Variants in ZNF582 observed in about 807,000 individuals in gnomAD.
ZNF582 encodes zinc finger protein 582.
ZNF582 carries 14 observed loss-of-function variants against 12.3 expected under a neutral mutation model. The observed-to-expected ratio is 1.14, with a 90% CI of 0.75 to 1.78. ZNF582 has a LOEUF of 1.78. Ranked by LOEUF, ZNF582 falls within the 40% of genes most tolerant of loss-of-function variation. The probability of loss-of-function intolerance (pLI) is 0.00; values close to 1 mark genes in which losing one functional copy is unlikely to be tolerated. For missense variants in ZNF582, 567 were observed against 616.5 expected (o/e 0.92, Z 0.85); for synonymous variants, 210 against 207.2 (o/e 1.01, Z -0.11).
At chr19:56,384,433 T>C in exon 5 of ZNF582, 1 of 1,598,310 alleles carries the variant, frequency 6.3e-7, no homozygotes, top group South Asian at 1.1e-5. Flanking sequence ...CAGTCTGATG[T>C]TGAATCAACT....
chr19:56,384,198 C>A (rs2041942545), exon 5 of ZNF582: 7 of 1,608,992 alleles, frequency 4.4e-6, no homozygotes, highest in Non-Finnish European at 5.9e-6. Flanking sequence ...AGATGTGAGA[C>A]CCGTTTGAAG....
exon 5 of ZNF582, chr19:56,384,250 G>A: frequency 6.2e-7 from 1 of 1,613,968 alleles, no homozygotes; most frequent in South Asian, 1.1e-5. Context: ...TCTCTCCAGT[G>A]TGAATTCTCT....
chr19:56,387,322 C>T (rs939124692), intron 4 of ZNF582: 7 of 152,218 alleles, frequency 4.6e-5, no homozygotes, highest in Admixed American at 6.5e-5. Context: ...GATCTATTCA[C>T]TGTAGTGATC....
exon 5 of ZNF582, chr19:56,383,918 A>C (rs756859039): frequency 1.2e-6 from 2 of 1,607,566 alleles, no homozygotes; most frequent in Admixed American, 1.7e-5. Context: ...TGCCAACATA[A>C]ATTCTCTGAT....
chr19:56,393,477 G>GCGCCCC (rs1360454666), exon 1 of ZNF582: 1 of 514,360 alleles, frequency 1.9e-6, no homozygotes, highest in East Asian at 5.6e-5. Context: ...CACCGCGGCC[G>GCGCCCC]CGCCCCCGGC....
exon 5 of ZNF582, chr19:56,384,461 G>A (rs1444277599): frequency 6.2e-7 from 1 of 1,600,568 alleles, no homozygotes; most frequent in Non-Finnish European, 8.5e-7. Context: ...ATGACTAAAG[G>A]TTTTCCCACA....
At chr19:56,393,076 T>A in intron 1 of ZNF582, 144 bp downstream of exon 1, 1 of 616,410 alleles carries the variant, frequency 1.6e-6, no homozygotes, top group Non-Finnish European at 2.5e-6. Context: ...AAACTAGCGG[T>A]TCTAAGTCTT....
At chr19:56,388,072 TG>T (rs2147512115) in intron 4 of ZNF582, among the ~76,000 whole-genome samples, 1 of 152,090 alleles carries the variant, frequency 6.6e-6, no homozygotes, top group East Asian at 1.9e-4. Context: ...GGACTTCTTC[TG>T]TATTTATGTT....
chr19:56,387,946 C>G (rs1011017407), intron 4 of ZNF582, among the ~76,000 whole-genome samples: 3 of 152,064 alleles, frequency 2.0e-5, no homozygotes, highest in East Asian at 1.9e-4. Context: ...CTTGCTTATG[C>G]GAAGATTTAT....
Position 56,391,727 on chromosome 19 carries a change from G to T in ZNF582, c.9+17C>A. ...CAAGATAAGGAAAGCAAATATTTAT[G>T]GGATTTAAAAACTCACAAGGGACAT... On this transcript the variant is annotated intron_variant, in intron 2 of 4. Coordinates refer to ENST00000586929, the Ensembl canonical transcript of ZNF582. 1 of 1,608,266 alleles carries T rather than the reference G, an allele frequency of 6.2e-7. No individual in the cohort carries two copies. The highest frequency in any genetic ancestry group is 8.5e-7 in the Non-Finnish European group (1 of 1,174,734).
At chr19:56,383,786 A>G in exon 5 of ZNF582, 2 of 1,463,360 alleles carry the variant, frequency 1.4e-6, no homozygotes, top group Non-Finnish European at 1.8e-6. Flanking sequence ...TTACCTCTGA[A>G]TGAAGGCATT....
intron 1 of ZNF582, 117 bp downstream of exon 1, chr19:56,393,103 C>T (rs2042030345): frequency 1.1e-6 from 1 of 891,692 alleles, no homozygotes; most frequent in Non-Finnish European, 1.5e-6. Context: ...TCTTGTAACT[C>T]TCTGAGAACC....
rs189233685 is a variant in ZNF582, at chr19:56,388,701, C to T, written c.232+1300G>A. Among the ~76,000 whole-genome samples, 16 of 152,196 alleles carry T rather than the reference C, an allele frequency of 1.1e-4. No homozygotes were observed. In the East Asian group the frequency reaches 1.2e-3, roughly 11 times the overall value. Reference sequence around the variant, plus strand: ...CAGCTGGAGCGCAGTGGTTCGATCTCGGATCACTGCAATCTCCGCCTCCCG... The same window carrying T: ...CAGCTGGAGCGCAGTGGTTCGATCTTGGATCACTGCAATCTCCGCCTCCCG... On this transcript the variant is annotated intron_variant, in intron 4 of 4. Coordinates refer to ENST00000586929, the Ensembl canonical transcript of ZNF582.
intron 2 of ZNF582, among the ~76,000 whole-genome samples, chr19:56,391,172 C>T (rs1020551049): frequency 6.6e-6 from 1 of 152,192 alleles, no homozygotes; most frequent in Non-Finnish European, 1.5e-5. Context: ...ACTCACCCAC[C>T]TAGATGATCA....
intron 4 of ZNF582, among the ~76,000 whole-genome samples, chr19:56,385,578 G>T (rs1454103217): frequency 6.6e-6 from 1 of 151,682 alleles, no homozygotes; most frequent in Non-Finnish European, 1.5e-5. Flanking sequence ...AGTCCCAGCT[G>T]AGAAAAGAAG....
At chr19:56,391,697 A>G (rs981372408) in intron 2 of ZNF582, 47 bp downstream of exon 2, 1 of 1,572,900 alleles carries the variant, frequency 6.4e-7, no homozygotes, top group Non-Finnish European at 8.7e-7. Flanking sequence ...CCAGGTGGAA[A>G]GTTTCAAGAT....
At chr19:56,388,527 C>T (rs1413804807) in intron 4 of ZNF582, 1 of 152,226 alleles carries the variant, frequency 6.6e-6, no homozygotes, top group Non-Finnish European at 1.5e-5. Flanking sequence ...TTTATATCCT[C>T]TCCAGGTGGA....
At chr19:56,383,864 T>G in exon 5 of ZNF582, 1 of 1,559,458 alleles carries the variant, frequency 6.4e-7, no homozygotes, top group African/African-American at 1.4e-5. Flanking sequence ...ACAATTAGCC[T>G]AGGCTAATGG....
chr19:56,383,573 C>T (rs905574851), exon 5 of ZNF582: 5 of 254,306 alleles, frequency 2.0e-5, no homozygotes, highest in African/African-American at 1.1e-4. Flanking sequence ...AAATGATAAT[C>T]TGGCTGTTTT....
Sources: allele counts gnomAD v4.1 joint callset (sites outside exome capture counted in the v4.1 genomes callset), GRCh38; gene constraint gnomAD v4.1.1; transcripts MANE v1.5; gene names NCBI Gene and HGNC (gene_info 2026-07-23, HGNC 2026-07-21).